PTPRD: variants seen among roughly 807,000 people sequenced by gnomAD.
The protein encoded by PTPRD is protein tyrosine phosphatase receptor type D.
PTPRD carries 34 observed loss-of-function variants against 214.5 expected under a neutral mutation model. The observed-to-expected ratio is 0.16, with a 90% confidence interval of 0.12 to 0.21. PTPRD has a LOEUF of 0.21. Among genes scored for constraint, PTPRD ranks in the 10% least tolerant of loss-of-function variants. The probability of loss-of-function intolerance (pLI) is 1.00; values close to 1 mark genes in which losing one functional copy is unlikely to be tolerated. For synonymous variants in PTPRD, 1,128 were observed against 845.7 expected (o/e 1.33, Z -5.79); for missense variants, 2,545 against 2,398.7 (o/e 1.06, Z -1.27).
At chr9:9,498,197 A>C (rs1446554645) in intron 8 of PTPRD, among the ~76,000 whole-genome samples, 1 of 152,126 alleles carries the variant, frequency 6.6e-6, no homozygotes, top group Non-Finnish European at 1.5e-5. Flanking sequence ...TTTTGAATTA[A>C]AAATAAAATT....
At chr9:9,087,318 G>C (rs891819511) in intron 10 of PTPRD, among the ~76,000 whole-genome samples, 3 of 152,144 alleles carry the variant, frequency 2.0e-5, no homozygotes, top group South Asian at 4.1e-4. Flanking sequence ...GAATGTAATA[G>C]AGAAGATAAA....
At chr9:8,342,097 GC>G in intron 39 of PTPRD, 119 bp from the exon 40 acceptor site, 1 of 1,058,894 alleles carries the variant, frequency 9.4e-7, no homozygotes, top group African/African-American at 1.6e-5. Flanking sequence ...TACTCAAATA[GC>G]TATTGGGATG....
At chr9:9,948,426 G>A (rs2093058723) in intron 4 of PTPRD, among the ~76,000 whole-genome samples, 1 of 151,978 alleles carries the variant, frequency 6.6e-6, no homozygotes, top group South Asian at 2.1e-4. Context: ...CAACATGCCT[G>A]AAAAAGAATA....
intron 7 of PTPRD, among the ~76,000 whole-genome samples, chr9:9,667,778 T>C (rs569803039): frequency 1.3e-5 from 2 of 152,290 alleles, no homozygotes; most frequent in South Asian, 4.1e-4. Context: ...TTCAGATTGA[T>C]GTCCAGAAAC....
intron 2 of PTPRD, among the ~76,000 whole-genome samples, chr9:10,571,712 G>A (rs1387964614): frequency 2.0e-5 from 3 of 152,142 alleles, no homozygotes; most frequent in Admixed American, 6.5e-5. Context: ...CAGTTTTTCC[G>A]GGACTGGGGC....
chr9:9,511,330 G>T (rs953450861), intron 8 of PTPRD, among the ~76,000 whole-genome samples: 1 of 151,728 alleles, frequency 6.6e-6, no homozygotes, highest in African/African-American at 2.4e-5. Flanking sequence ...TATGAAAGAA[G>T]AATCTGGTAG....
intron 8 of PTPRD, among the ~76,000 whole-genome samples, chr9:9,492,262 G>A (rs1489801474): frequency 1.4e-5 from 2 of 146,940 alleles, no homozygotes; most frequent in African/African-American, 5.0e-5. Context: ...AAAAAAACCT[G>A]ACATATATCT....
rs920204165 is a variant in PTPRD at position 8,593,081 on chromosome 9, C to A, written c.352+40236G>T. Among the ~76,000 whole-genome samples the A allele has an allele frequency of 2.0e-5, 3 of 152,270 alleles. No homozygotes were observed. In the East Asian group the frequency reaches 5.8e-4, roughly 29 times the overall value. Reference sequence around the variant, plus strand: ...GCTGGAAAGGATGGCTGAGGAGAAACTAGGAAGAGCTTACTTACTGTCACT... The same window carrying A: ...GCTGGAAAGGATGGCTGAGGAGAAAATAGGAAGAGCTTACTTACTGTCACT... On this transcript the variant is annotated intron_variant, in intron 14 of 45. Transcript: ENST00000381196.
chr9:10,230,436 G>GTATCTATCTATCTATGTATC (rs1554901384), intron 3 of PTPRD, among the ~76,000 whole-genome samples: 4,525 of 140,528 alleles, frequency 0.032, 67 homozygotes, highest in Middle Eastern at 0.04. Flanking sequence ...ATGTATCTAT[G>GTATCTATCTATCTATGTATC]TATCTATCTA....
At chr9:8,612,963 G>T (rs1237690174) in intron 14 of PTPRD, among the ~76,000 whole-genome samples, 1 of 152,014 alleles carries the variant, frequency 6.6e-6, no homozygotes, top group African/African-American at 2.4e-5. Context: ...GACTGATTAG[G>T]TATTAAAACT....
intron 11 of PTPRD, among the ~76,000 whole-genome samples, chr9:8,833,650 C>G (rs548436701): frequency 2.7e-5 from 4 of 149,678 alleles, no homozygotes; most frequent in African/African-American, 9.8e-5. Context: ...ATAACAGGCA[C>G]CATTCACAAC....
At chr9:10,510,384 G>A (rs1330636607) in intron 2 of PTPRD, among the ~76,000 whole-genome samples, 1 of 152,008 alleles carries the variant, frequency 6.6e-6, no homozygotes, top group Non-Finnish European at 1.5e-5. Flanking sequence ...CACCACTACT[G>A]TCACATATAG....
In PTPRD at chr9:8,499,707, C is replaced by G; in HGVS notation, c.2262G>C (p.Met754Ile). Residue 754 changes from methionine to isoleucine, a missense_variant, in exon 25 of 46, where the codon ATG becomes ATC. Coordinates refer to ENST00000381196, the MANE Select transcript of PTPRD (RefSeq NM_002839.4). The stretch of plus-strand genomic sequence containing the variant: ...GCTGGCCCTTGGGCTCACCATTTTC[C>G]ATCCTCACATAATGCACCTGATATC... Reference protein sequence around the residue: ...IRGYQVHYVRMENGEPKGQPM... With the variant: ...IRGYQVHYVRIENGEPKGQPM... The G allele has an allele frequency of 6.2e-7, 1 of 1,614,098 alleles. No individual in the cohort carries two copies. The highest frequency in any genetic ancestry group is 1.1e-5 in the South Asian group (1 of 91,060).
chr9:9,544,973 T>C (rs1803138235), intron 8 of PTPRD, among the ~76,000 whole-genome samples: 1 of 151,700 alleles, frequency 6.6e-6, no homozygotes, highest in South Asian at 2.1e-4. Context: ...CTTGTTGTTC[T>C]TGATTATTTT....
At position 8,734,569 on chromosome 9, in the gene PTPRD, A is replaced by G. The variant is rs1357765502; in HGVS notation, c.-103-623T>C. On this transcript the variant is annotated intron_variant, in intron 11 of 45. Coordinates refer to ENST00000381196, the MANE Select transcript of PTPRD (RefSeq NM_002839.4). ...AGTTAGCATGAGCCTCTTTCATTTA[A>G]CAGGATTTTTATATGCCTCCTGGGC... is the stretch of plus-strand genomic sequence containing the variant. Among the ~76,000 whole-genome samples, 3 of 152,226 alleles carry G rather than the reference A, an allele frequency of 2.0e-5. No homozygotes were observed. In the East Asian group the frequency reaches 5.8e-4, roughly 29 times the overall value.
At chr9:9,782,473 G>A (rs536852759) in intron 5 of PTPRD, among the ~76,000 whole-genome samples, 80 of 152,276 alleles carry the variant, frequency 5.3e-4, no homozygotes, top group South Asian at 5.2e-3. Flanking sequence ...ATTGAGGTAT[G>A]TTACCAACTG....
In PTPRD at chr9:9,476,791, G is replaced by A. The variant is rs190552140; in HGVS notation, c.-236-79309C>T. 1.6e-3 allele frequency among the ~76,000 whole-genome samples: 243 copies of A among 151,964 alleles called. 2 individuals are homozygous for A. Among genetic ancestry groups the A allele is most frequent in the African/African-American group, 5.6e-3 (234 of 41,450 alleles). On this transcript the variant is annotated intron_variant, in intron 8 of 45. Coordinates refer to ENST00000381196, the MANE Select transcript of PTPRD (RefSeq NM_002839.4). ...TCTCTTGTTGCCCAGGCTGGAGGGC[G>A]ATGGCACCATCTTGGCTCACCGCAA...
At chr9:10,478,979 A>T (rs370599639) in intron 2 of PTPRD, among the ~76,000 whole-genome samples, 1 of 152,124 alleles carries the variant, frequency 6.6e-6, no homozygotes, top group Admixed American at 6.6e-5. Flanking sequence ...TAATAATTGA[A>T]TAAAAAGTTT....
At chr9:9,928,789 A>ACACACACACAC (rs1408596519) in intron 5 of PTPRD, among the ~76,000 whole-genome samples, 1 of 93,334 alleles carries the variant, frequency 1.1e-5, no homozygotes, top group African/African-American at 8.5e-5. Flanking sequence ...CACACACACA[A>ACACACACACAC]TTTGCATTTT....
Sources: allele counts gnomAD v4.1 joint callset (sites outside exome capture counted in the v4.1 genomes callset), GRCh38; gene constraint gnomAD v4.1.1; transcripts MANE v1.5; gene names NCBI Gene and HGNC (gene_info 2026-07-23, HGNC 2026-07-21).